SMTNL2: variants seen among roughly 807,000 people sequenced by gnomAD.
SMTNL2 encodes the protein smoothelin like 2.
In SMTNL2, 43 loss-of-function variants were observed where a neutral mutation model predicts 44.1. The ratio of observed to expected loss-of-function variants is 0.98; its 90% CI spans 0.76 to 1.26. The LOEUF (loss-of-function observed/expected upper bound fraction) is 1.26, where lower values mean the gene tolerates loss of function less well. Among genes scored for constraint, SMTNL2 ranks in the 50% most tolerant of loss-of-function variants. The probability of loss-of-function intolerance (pLI) is 0.00; values close to 1 mark genes in which losing one functional copy is unlikely to be tolerated. For missense variants in SMTNL2, 646 were observed against 670.2 expected (o/e 0.96, Z 0.40); for synonymous variants, 317 against 287.6 (o/e 1.10, Z -1.03).
At chr17:4,599,886 A>T (rs1213096543) in intron 7 of SMTNL2, among the ~76,000 whole-genome samples, 1 of 152,216 alleles carries the variant, frequency 6.6e-6, no homozygotes, top group African/African-American at 2.4e-5. Flanking sequence ...CGGAGCACAC[A>T]GCAGGGTAAA....
chr17:4,602,077 T>A (rs1375274313), intron 7 of SMTNL2, among the ~76,000 whole-genome samples: 3 of 152,150 alleles, frequency 2.0e-5, no homozygotes, highest in African/African-American at 7.2e-5. Flanking sequence ...GTTTTGGATT[T>A]TAGATTTTGG....
intron 7 of SMTNL2, among the ~76,000 whole-genome samples, chr17:4,602,534 G>A (rs1366938479): frequency 1.3e-5 from 2 of 152,032 alleles, no homozygotes; most frequent in Non-Finnish European, 2.9e-5. Context: ...TGTTGGCCAG[G>A]CTGGTCTTGA....
Position 4,584,577 on chromosome 17 carries a change from C to T in SMTNL2, c.-29C>T. 2.5e-6 allele frequency: 3 copies of T among 1,221,530 alleles called. No homozygotes were observed. The highest frequency in any genetic ancestry group is 3.1e-6 in the Non-Finnish European group (3 of 980,978). 75.7% of individuals were successfully genotyped at this position (1,221,530 alleles called of 1,614,324 possible). A position where few individuals can be genotyped will look rare whatever the true frequency, so the allele number is the denominator to read the frequency against. ...CTCGGATCTTCTCCCCCGTCTGGCC[C>T]GCTCTCGACCCGCGCGCTCTGCTGG... On this transcript the variant is annotated 5_prime_UTR_variant, in exon 1 of 8. Coordinates refer to ENST00000389313, the MANE Select transcript of SMTNL2 (RefSeq NM_001114974.2).
At chr17:4,591,666 G>A (rs1909576226) in intron 1 of SMTNL2, among the ~76,000 whole-genome samples, 1 of 152,236 alleles carries the variant, frequency 6.6e-6, no homozygotes, top group Admixed American at 6.5e-5. Context: ...CTCAAACAGG[G>A]AAACAGACCC....
chr17:4,584,334 C>G (rs1277768276), upstream of SMTNL2, among the ~76,000 whole-genome samples: 3 of 152,168 alleles, frequency 2.0e-5, no homozygotes, highest in Non-Finnish European at 2.9e-5. Context: ...GCAGGCCGCA[C>G]GCCGCTCCTC....
At position 4,592,450 on chromosome 17, in the gene SMTNL2, T is replaced by TAGGGCTGAC. The variant is rs758373227; in HGVS notation, c.487+3_487+11dup. 1.5e-5 allele frequency: 24 copies of TAGGGCTGAC among 1,611,402 alleles called. No homozygotes were observed. The highest frequency in any genetic ancestry group is 2.0e-5 in the Non-Finnish European group (23 of 1,179,164). ...AAAATGGGCACCAGCCGGGGGCAGG[T>TAGGGCTGAC]AGGGCTGACGGCAGAGGAGGGGTGG... On this transcript the variant is annotated splice_region_variant and intron_variant, in intron 2 of 7. Coordinates refer to ENST00000389313, the MANE Select transcript of SMTNL2 (RefSeq NM_001114974.2). The surrounding 1 kb of genome is among the most constrained non-coding windows in gnomAD (Gnocchi z 4.5).
intron 1 of SMTNL2, among the ~76,000 whole-genome samples, chr17:4,589,117 C>T (rs1296307709): frequency 6.6e-6 from 1 of 152,166 alleles, no homozygotes; most frequent in Non-Finnish European, 1.5e-5. Flanking sequence ...GCCGGAGAAC[C>T]CTTAGCAGTG....
intron 7 of SMTNL2, among the ~76,000 whole-genome samples, chr17:4,604,391 G>A (rs1910179805): frequency 6.6e-6 from 1 of 152,194 alleles, no homozygotes. Context: ...ATTTCGCCTT[G>A]ACATTTGGTT....
At chr17:4,601,870 G>T (rs868240294) in intron 7 of SMTNL2, among the ~76,000 whole-genome samples, 2 of 148,436 alleles carry the variant, frequency 1.3e-5, no homozygotes, top group East Asian at 1.9e-4. Flanking sequence ...AGCAGTTGTT[G>T]TTTTTTTTTT....
At position 4,598,171 on chromosome 17, in the gene SMTNL2, T is replaced by A. The variant is rs1280981746; in HGVS notation, c.1259+848T>A. On this transcript the variant is annotated intron_variant, in intron 7 of 7. Coordinates refer to ENST00000389313, the MANE Select transcript of SMTNL2 (RefSeq NM_001114974.2). This position sits in a 1 kb window ranked among gnomAD's most constrained non-coding sequence, Gnocchi z 4.8. Reference sequence around the variant, plus strand: ...CTGCGCTTTGGGCAAATGGTTGCAGTCAGCTCGCTGCGACCTGGCAGGGAG... The same window carrying A: ...CTGCGCTTTGGGCAAATGGTTGCAGACAGCTCGCTGCGACCTGGCAGGGAG... Among the ~76,000 whole-genome samples the A allele has an allele frequency of 6.6e-6, 1 of 152,130 alleles. No homozygotes were observed. The highest frequency in any genetic ancestry group is 1.5e-5 in the Non-Finnish European group (1 of 68,010).
In SMTNL2 at chr17:4,584,914, GC is replaced by G; in HGVS notation, c.312del (p.Ala105ArgfsTer41). 7.7e-7 allele frequency: 1 copy of G among 1,291,828 alleles called. No individual in the cohort carries two copies. The highest frequency in any genetic ancestry group is 9.8e-7 in the Non-Finnish European group (1 of 1,025,286). The allele number at this position is 1,291,828 out of a possible 1,614,324, so 80.0% of individuals were successfully genotyped here. A position where few individuals can be genotyped will look rare whatever the true frequency, so the allele number is the denominator to read the frequency against. On this transcript the variant is annotated frameshift_variant, in exon 1 of 8. Coordinates refer to ENST00000389313, the MANE Select transcript of SMTNL2 (RefSeq NM_001114974.2). LOFTEE classifies it high-confidence loss of function. ...PGTPGTPSPP[P>X]APGVPDRAPR... is the part of the protein sequence containing the mutation. Reference sequence around the variant, plus strand: ...GCACTCCCGGCACGCCCAGCCCCCCGCCCGCGCCCGGGGTTCCCGACCGCGC... The same window carrying G: ...GCACTCCCGGCACGCCCAGCCCCCCGCCGCGCCCGGGGTTCCCGACCGCGC...
In SMTNL2 at chr17:4,592,943, C is replaced by A. The variant is rs778419230; in HGVS notation, c.502C>A (p.Pro168Thr). 1 of 1,612,148 alleles carries A rather than the reference C, an allele frequency of 6.2e-7. No individual in the cohort carries two copies. Among genetic ancestry groups the A allele is most frequent in the African/African-American group, 1.3e-5 (1 of 74,856 alleles). ...HQPGAGPGDG[P>T]PEIAQNFSAP... ...ACATGTTCCAGGTCCAGGCGATGGA[C>A]CCCCTGAGATTGCCCAAAACTTCTC... The change falls in exon 3 of 8, where the codon CCC becomes ACC. Residue 168 changes from proline (P) to threonine (T), a missense_variant. Physicochemically the swap from Pro to Thr is conservative, Grantham distance 38 (BLOSUM62 -1). Coordinates refer to ENST00000389313, the MANE Select transcript of SMTNL2 (RefSeq NM_001114974.2). The surrounding 1 kb of genome is among the most constrained non-coding windows in gnomAD (Gnocchi z 4.5).
intron 7 of SMTNL2, among the ~76,000 whole-genome samples, chr17:4,599,553 G>C (rs191177634): frequency 3.0e-4 from 45 of 152,280 alleles, no homozygotes; most frequent in African/African-American, 1.1e-3. Context: ...ACACTGTCTT[G>C]CAGGATTCTT....
Position 4,592,828 on chromosome 17 carries a change from G to A in SMTNL2, c.488-101G>A, listed in dbSNP as rs943404418. 4 of 1,481,384 alleles carry A rather than the reference G, an allele frequency of 2.7e-6. No individual in the cohort carries two copies. In the African/African-American group the frequency reaches 5.6e-5, roughly 21 times the overall value. The allele number at this position is 1,481,384 out of a possible 1,614,324, so 91.8% of individuals were successfully genotyped here. A position where few individuals can be genotyped will look rare whatever the true frequency, so the allele number is the denominator to read the frequency against. On this transcript the variant is annotated intron_variant, in intron 2 of 7. Coordinates refer to ENST00000389313, the MANE Select transcript of SMTNL2 (RefSeq NM_001114974.2). This position sits in a 1 kb window ranked among gnomAD's most constrained non-coding sequence, Gnocchi z 4.5. The stretch of plus-strand genomic sequence containing the variant: ...CAGTCAGGGAGGCCTTCCTAGAGGA[G>A]GTGGGAGGAGGGCCCAGGGAGGCTA...
intron 5 of SMTNL2, among the ~76,000 whole-genome samples, chr17:4,596,431 A>G (rs1437311099): frequency 6.6e-6 from 1 of 152,232 alleles, no homozygotes; most frequent in African/African-American, 2.4e-5. Context: ...GCTAGGAAAG[A>G]GCCATCAGGG....
Position 4,595,474 on chromosome 17 carries a change from A to AAAG in SMTNL2, c.989+148_989+150dup. The AAAG allele has an allele frequency of 8.2e-7, 1 of 1,225,370 alleles. No individual in the cohort carries two copies. Among genetic ancestry groups the AAAG allele is most frequent in the Non-Finnish European group, 1.1e-6 (1 of 892,842 alleles). The allele number at this position is 1,225,370 out of a possible 1,614,324, so 75.9% of individuals were successfully genotyped here. ...GGACAAGATCTCTTGGGCAAGGCAC[A>AAAG]AAGTTAGGGCTGGGCCACAGGGCAG... On this transcript the variant is annotated intron_variant, in intron 5 of 7. Transcript: ENST00000389313. The surrounding 1 kb of genome is among the most constrained non-coding windows in gnomAD (Gnocchi z 5.1).
At chr17:4,602,483 C>G (rs1161691793) in intron 7 of SMTNL2, among the ~76,000 whole-genome samples, 14 of 151,882 alleles carry the variant, frequency 9.2e-5, no homozygotes, top group Non-Finnish European at 2.9e-5. Context: ...CCACCATGCC[C>G]AGCTAATTTT....
chr17:4,591,926 G>GT (rs1157429687), intron 1 of SMTNL2, among the ~76,000 whole-genome samples: 2 of 152,222 alleles, frequency 1.3e-5, no homozygotes, highest in African/African-American at 4.8e-5. Context: ...GTAGCTCATC[G>GT]TTGGCCCAGA....
intron 1 of SMTNL2, among the ~76,000 whole-genome samples, chr17:4,589,075 G>A (rs1909457071): frequency 6.6e-6 from 1 of 152,122 alleles, no homozygotes; most frequent in Admixed American, 6.5e-5. Flanking sequence ...ACCCCAGCCT[G>A]CATTAGCCCA....
Sources: gnomAD v4.1 joint callset for allele counts (sites outside exome capture counted in the v4.1 genomes callset) on GRCh38, gnomAD v4.1.1 for gene constraint, Gnocchi (gnomAD v3.1) non-coding constraint, MANE v1.5 for transcripts, NCBI Gene and HGNC (gene_info 2026-07-23, HGNC 2026-07-21) for gene names.